The following NAALAD2 variants were observed in gnomAD, a reference collection of about 807,000 sequenced individuals.
NAALAD2 encodes N-acetylated-alpha-linked acidic dipeptidase 2.
A neutral mutation model predicts 95.6 loss-of-function variants in NAALAD2; 89 were observed. The ratio of observed to expected loss-of-function variants is 0.93; its 90% CI spans 0.78 to 1.11. The LOEUF (loss-of-function observed/expected upper bound fraction) is 1.11, where lower values mean the gene tolerates loss of function less well. NAALAD2 is among the 50% of genes least tolerant of loss of function. NAALAD2 has a pLI of 0.00. For missense variants in NAALAD2, 894 were observed against 872.4 expected (o/e 1.02, Z -0.31); for synonymous variants, 264 against 294.4 (o/e 0.90, Z 1.06).
At chr11:90,161,548 A>G (rs1952299986) in intron 8 of NAALAD2, among the ~76,000 whole-genome samples, 2 of 152,186 alleles carry the variant, frequency 1.3e-5, no homozygotes, top group African/African-American at 4.8e-5. Flanking sequence ...CCTGCATTCT[A>G]GAGTTCAGTT....
At chr11:90,142,656 T>C (rs887865465) in intron 2 of NAALAD2, among the ~76,000 whole-genome samples, 3 of 152,122 alleles carry the variant, frequency 2.0e-5, no homozygotes, top group East Asian at 3.8e-4. Flanking sequence ...ATATTTGCTT[T>C]TTTATCCACT....
In NAALAD2 at chr11:90,147,527, T is replaced by C; in HGVS notation, c.381+11T>C. On this transcript the variant is annotated intron_variant, in intron 3 of 18. Transcript: ENST00000534061. ...GAACATGAAACTGAGGTATGTGAAA[T>C]TGTTGGTACTTTTTATATTTTGCAA... 6.3e-7 allele frequency: 1 copy of C among 1,588,458 alleles called. No homozygotes were observed. Among genetic ancestry groups the C allele is most frequent in the Non-Finnish European group, 8.6e-7 (1 of 1,167,108 alleles).
At chr11:90,186,477 C>T (rs201690420) in intron 18 of NAALAD2, among the ~76,000 whole-genome samples, 9 of 152,000 alleles carry the variant, frequency 5.9e-5, no homozygotes, top group African/African-American at 1.7e-4. Flanking sequence ...TGAATAATGC[C>T]GCAATAAACA....
At chr11:90,133,330 T>C (rs916679805), upstream of NAALAD2, among the ~76,000 whole-genome samples, 5 of 152,220 alleles carry the variant, frequency 3.3e-5, no homozygotes, top group African/African-American at 9.6e-5. Context: ...CTATTTACAA[T>C]GGCCACTATT....
intron 11 of NAALAD2, chr11:90,163,942 T>A (rs1397552109): frequency 4.5e-6 from 2 of 441,792 alleles, no homozygotes; most frequent in East Asian, 3.5e-5. Flanking sequence ...AATTTACTTA[T>A]CTAAAAACTG....
intron 2 of NAALAD2, among the ~76,000 whole-genome samples, chr11:90,139,494 C>G (rs1435182006): frequency 6.6e-6 from 1 of 152,150 alleles, no homozygotes; most frequent in Non-Finnish European, 1.5e-5. Context: ...GGCAGATATG[C>G]TTTCTCCTCA....
At chr11:90,167,425 G>A (rs549566482) in intron 11 of NAALAD2, among the ~76,000 whole-genome samples, 26 of 152,258 alleles carry the variant, frequency 1.7e-4, no homozygotes, top group South Asian at 4.1e-4. Flanking sequence ...CTGAGCCTGC[G>A]CCCCCGCCGC....
chr11:90,140,436 G>A (rs759769032), intron 2 of NAALAD2, among the ~76,000 whole-genome samples: 1 of 132,896 alleles, frequency 7.5e-6, no homozygotes, highest in African/African-American at 3.1e-5. Context: ...TCATGCATTC[G>A]TGACAAACCT....
At chr11:90,189,273 G>A (rs1857252940) in intron 18 of NAALAD2, among the ~76,000 whole-genome samples, 1 of 149,442 alleles carries the variant, frequency 6.7e-6, no homozygotes, top group Admixed American at 6.7e-5. Flanking sequence ...TTAGCTTGGT[G>A]AGACTTATGT....
intron 11 of NAALAD2, among the ~76,000 whole-genome samples, chr11:90,164,798 G>A (rs1333492703): frequency 6.6e-6 from 1 of 152,110 alleles, no homozygotes; most frequent in Non-Finnish European, 1.5e-5. Flanking sequence ...AAAACTAGGT[G>A]AAGAGAGAAT....
At position 90,176,135 on chromosome 11, in the gene NAALAD2, T is replaced by C. The variant is rs956643044; in HGVS notation, c.1593+73T>C. ...TTTGGCGAAGAATGTCACTGAGTTG[T>C]TTGGCACCAGACACCTGGTGGATGT... On this transcript the variant is annotated intron_variant, in intron 15 of 18. Coordinates refer to ENST00000534061, the MANE Select transcript of NAALAD2 (RefSeq NM_005467.4). 1.1e-4 allele frequency: 134 copies of C among 1,184,552 alleles called. 1 individual carries two copies. In the Middle Eastern group the frequency reaches 1.7e-3, roughly 15 times the overall value. The allele number at this position is 1,184,552 out of a possible 1,614,324, so 73.4% of individuals were successfully genotyped here.
chr11:90,163,370 C>G lies in NAALAD2; in HGVS notation c.1136C>G (p.Thr379Ser), dbSNP rs557102428. The G allele has an allele frequency of 6.2e-7, 1 of 1,613,964 alleles. No homozygotes were observed. Among genetic ancestry groups the G allele is most frequent in the Non-Finnish European group, 8.5e-7 (1 of 1,179,902 alleles). Residue 379 changes from threonine to serine, a missense_variant, in exon 10 of 19, where the codon ACC becomes AGC. Transcript: ENST00000534061. ...DSWVFGAIDP[T>S]SGVAVLQEIA... ...TGGGTATTTGGAGCTATTGACCCAA[C>G]CAGTGGGGTTGCTGTTTTGCAAGAA...
At chr11:90,133,979 C>A (rs554877485), upstream of NAALAD2, among the ~76,000 whole-genome samples, 8 of 152,090 alleles carry the variant, frequency 5.3e-5, no homozygotes, top group South Asian at 1.7e-3. Flanking sequence ...TCAGAGAGAC[C>A]CCCTGGCTTC....
intron 2 of NAALAD2, among the ~76,000 whole-genome samples, chr11:90,138,368 C>T (rs919455110): frequency 6.6e-6 from 1 of 152,106 alleles, no homozygotes; most frequent in African/African-American, 2.4e-5. Context: ...AAGGCAGTCA[C>T]ATTCCATTTA....
At chr11:90,177,742 C>CAT in intron 15 of NAALAD2, 111 bp from the exon 16 acceptor site, 1 of 1,125,630 alleles carries the variant, frequency 8.9e-7, no homozygotes, top group South Asian at 1.6e-5. Context: ...TGTGAGCCAC[C>CAT]ATGACTGGCT....
chr11:90,148,457 C>T (rs1161838900), intron 3 of NAALAD2, among the ~76,000 whole-genome samples: 3 of 151,874 alleles, frequency 2.0e-5, no homozygotes, highest in East Asian at 3.9e-4. Context: ...CAAAAGCAGG[C>T]CCAGGGTGAG....
At chr11:90,135,439 T>C in intron 1 of NAALAD2, 120 bp from the exon 2 acceptor site, 1 of 512,838 alleles carries the variant, frequency 1.9e-6, no homozygotes, top group Non-Finnish European at 3.4e-6. Flanking sequence ...AAGCTCACCA[T>C]GATCTACTTG....
At chr11:90,133,714 T>C (rs1272400752), upstream of NAALAD2, among the ~76,000 whole-genome samples, 3 of 152,244 alleles carry the variant, frequency 2.0e-5, no homozygotes, top group Non-Finnish European at 4.4e-5. Flanking sequence ...ACAAAGTCTG[T>C]TGGCCCTACA....
intron 11 of NAALAD2, among the ~76,000 whole-genome samples, chr11:90,167,715 T>A (rs1388196078): frequency 6.6e-6 from 1 of 152,190 alleles, no homozygotes; most frequent in Non-Finnish European, 1.5e-5. Flanking sequence ...ATCAGCACCC[T>A]GTGTCTAGCT....
Sources: gnomAD v4.1 joint callset for allele counts (sites outside exome capture counted in the v4.1 genomes callset) on GRCh38, gnomAD v4.1.1 for gene constraint, MANE v1.5 for transcripts, NCBI Gene and HGNC (gene_info 2026-07-23, HGNC 2026-07-21) for gene names.